DNAH14: variants seen among roughly 807,000 people sequenced by gnomAD.
DNAH14 encodes the protein dynein axonemal heavy chain 14, also known as axonemal beta dynein heavy chain 14.
A neutral mutation model predicts 520.9 loss-of-function variants in DNAH14; 478 were observed. The observed-to-expected ratio is 0.92, with a 90% confidence interval of 0.85 to 0.99. DNAH14 has a LOEUF of 0.99. Among genes scored for constraint, DNAH14 ranks in the 50% least tolerant of loss-of-function variants. The probability of loss-of-function intolerance (pLI) is 0.00; values close to 1 mark genes in which losing one functional copy is unlikely to be tolerated. For synonymous variants in DNAH14, 1,581 were observed against 1,757.2 expected (o/e 0.90, Z 2.51); for missense variants, 4,831 against 5,234.5 (o/e 0.92, Z 2.38).
At chr1:225,297,852 C>T (rs2094044971) in intron 55 of DNAH14, among the ~76,000 whole-genome samples, 1 of 152,180 alleles carries the variant, frequency 6.6e-6, no homozygotes, top group Non-Finnish European at 1.5e-5. Context: ...TCTTGGCTGG[C>T]CTGGTTGTGT....
intron 17 of DNAH14, among the ~76,000 whole-genome samples, chr1:225,057,740 G>A (rs548446757): frequency 6.6e-5 from 10 of 152,106 alleles, no homozygotes; most frequent in African/African-American, 2.2e-4. Flanking sequence ...TAGCATGAAG[G>A]GTTGTTGAAT....
At chr1:225,192,615 C>A in intron 37 of DNAH14, 81 bp from the exon 38 acceptor site, 2 of 1,029,646 alleles carry the variant, frequency 1.9e-6, no homozygotes, top group South Asian at 3.6e-5. Flanking sequence ...CTCCTATAAC[C>A]TTTTAATAAT....
At chr1:225,142,755 C>G (rs1329360212) in intron 28 of DNAH14, among the ~76,000 whole-genome samples, 1 of 151,966 alleles carries the variant, frequency 6.6e-6, no homozygotes, top group African/African-American at 2.4e-5. Context: ...TGGTGAAAAC[C>G]CATCTCTACT....
At chr1:225,102,483 C>T (rs567048989) in intron 23 of DNAH14, among the ~76,000 whole-genome samples, 1 of 152,196 alleles carries the variant, frequency 6.6e-6, no homozygotes, top group East Asian at 1.9e-4. Flanking sequence ...TCTACAATGG[C>T]TGAACTAGTT....
At chr1:225,315,014 T>A (rs1431161944) in intron 60 of DNAH14, among the ~76,000 whole-genome samples, 2 of 152,184 alleles carry the variant, frequency 1.3e-5, no homozygotes, top group Non-Finnish European at 2.9e-5. Context: ...TTCTCCTGGA[T>A]AATATCCTGA....
At chr1:225,393,880 A>G (rs1196955570) in intron 84 of DNAH14, among the ~76,000 whole-genome samples, 1 of 149,074 alleles carries the variant, frequency 6.7e-6, no homozygotes, top group Non-Finnish European at 1.5e-5. Flanking sequence ...GTGCAGTGGC[A>G]CGATCTCAGC....
At chr1:224,983,575 G>A (rs2062422562) in intron 8 of DNAH14, among the ~76,000 whole-genome samples, 1 of 152,070 alleles carries the variant, frequency 6.6e-6, no homozygotes, top group Non-Finnish European at 1.5e-5. Context: ...AGGAGATAAA[G>A]GGCATCCAAA....
intron 11 of DNAH14, among the ~76,000 whole-genome samples, chr1:225,033,766 C>T (rs905080726): frequency 1.3e-5 from 2 of 151,924 alleles, no homozygotes; most frequent in Non-Finnish European, 2.9e-5. Context: ...TTGTAATTCT[C>T]TTTGTAGAGA....
rs531668309 is a variant in DNAH14, at chr1:225,041,894, C to G, written c.1489-941C>G. Among the ~76,000 whole-genome samples the G allele has an allele frequency of 7.9e-4, 120 of 152,234 alleles. 1 individual carries two copies. Among genetic ancestry groups the G allele is most frequent in the African/African-American group, 2.8e-3 (117 of 41,540 alleles). ...CTTTCTTTTATTGTGATAAAACATA[C>G]ATAACATAAAATTTTCCATTTAACC... is the stretch of plus-strand genomic sequence containing the variant. On this transcript the variant is annotated intron_variant, in intron 12 of 85. Coordinates refer to ENST00000682510, the MANE Select transcript of DNAH14 (RefSeq NM_001367479.1).
At chr1:225,233,117 T>G (rs2149582468) in intron 42 of DNAH14, among the ~76,000 whole-genome samples, 1 of 152,300 alleles carries the variant, frequency 6.6e-6, no homozygotes, top group East Asian at 1.9e-4. Context: ...TCCAACCATG[T>G]CCCTGCAAAG....
At chr1:225,069,437 G>T (rs2071288402) in intron 17 of DNAH14, among the ~76,000 whole-genome samples, 1 of 152,086 alleles carries the variant, frequency 6.6e-6, no homozygotes, top group Non-Finnish European at 1.5e-5. Flanking sequence ...CGCATTAAAG[G>T]CATTTTCTGC....
chr1:225,023,038 T>C (rs2065834581), intron 10 of DNAH14, among the ~76,000 whole-genome samples: 1 of 151,958 alleles, frequency 6.6e-6, no homozygotes, highest in African/African-American at 2.4e-5. Context: ...GAGATAAACA[T>C]AGTTACACAT....
intron 54 of DNAH14, 75 bp from the exon 55 acceptor site, chr1:225,289,807 AAAT>A: frequency 9.4e-7 from 1 of 1,063,040 alleles, no homozygotes; most frequent in Non-Finnish European, 1.2e-6. Flanking sequence ...TTTCTAGCAC[AAAT>A]AATAAACAGA....
chr1:225,161,346 A>T (rs1253334503), intron 35 of DNAH14, among the ~76,000 whole-genome samples: 1 of 152,144 alleles, frequency 6.6e-6, no homozygotes, highest in Non-Finnish European at 1.5e-5. Flanking sequence ...AAATGACAGG[A>T]TCTCATTGTT....
At chr1:225,363,371 C>T (rs973086124) in intron 75 of DNAH14, among the ~76,000 whole-genome samples, 1 of 152,094 alleles carries the variant, frequency 6.6e-6, no homozygotes, top group African/African-American at 2.4e-5. Flanking sequence ...TTTCATGTCT[C>T]TTAAGTCTCC....
At chr1:225,145,470 T>C in intron 30 of DNAH14, 91 bp downstream of exon 30, 1 of 1,066,382 alleles carries the variant, frequency 9.4e-7, no homozygotes. Context: ...GAAAAATATT[T>C]ATCTGAGACA....
At chr1:225,004,370 A>C (rs2064001962) in intron 9 of DNAH14, among the ~76,000 whole-genome samples, 1 of 152,196 alleles carries the variant, frequency 6.6e-6, no homozygotes. Context: ...AATCCAGAGG[A>C]GGCAGAGATT....
chr1:225,371,464 A>C (rs2095617959), intron 77 of DNAH14, among the ~76,000 whole-genome samples: 1 of 152,146 alleles, frequency 6.6e-6, no homozygotes, highest in East Asian at 1.9e-4. Flanking sequence ...ATAACAATGA[A>C]TGTTATTCCA....
At chr1:225,131,307 G>GAA (rs2078397067) in intron 27 of DNAH14, among the ~76,000 whole-genome samples, 1 of 152,106 alleles carries the variant, frequency 6.6e-6, no homozygotes, top group South Asian at 2.1e-4. Flanking sequence ...AGGTCTCTGT[G>GAA]GGCTAAGATC....
Sources: gnomAD v4.1 joint callset for allele counts (sites outside exome capture counted in the v4.1 genomes callset) on GRCh38, gnomAD v4.1.1 for gene constraint, MANE v1.5 for transcripts, NCBI Gene and HGNC (gene_info 2026-07-23, HGNC 2026-07-21) for gene names.